DNAH14: variants seen among roughly 807,000 people sequenced by gnomAD.
DNAH14 encodes dynein axonemal heavy chain 14.
Under a neutral mutation model 520.9 loss-of-function variants are expected in DNAH14, and 478 were observed. The observed-to-expected ratio is 0.92, with a 90% CI of 0.85 to 0.99. DNAH14 has a LOEUF of 0.99. Ranked by LOEUF, DNAH14 falls within the 50% of genes least tolerant of loss-of-function variation. DNAH14 has a pLI of 0.00. For missense variants in DNAH14, 4,831 were observed against 5,234.5 expected (o/e 0.92, Z 2.38); for synonymous variants, 1,581 against 1,757.2 (o/e 0.90, Z 2.51).
chr1:225,301,166 C>T (rs2094131794), intron 56 of DNAH14, 136 bp downstream of exon 56: 2 of 967,042 alleles, frequency 2.1e-6, no homozygotes, highest in African/African-American at 3.3e-5. Context: ...ATAATGGGTA[C>T]CCTACCTACA....
chr1:225,172,923 G>A (rs762240999), intron 36 of DNAH14, among the ~76,000 whole-genome samples: 1 of 152,206 alleles, frequency 6.6e-6, no homozygotes, highest in Middle Eastern at 3.4e-3. Context: ...ATAGACCAAT[G>A]GAACAGAACA....
chr1:225,176,697 T>A (rs756128161), intron 36 of DNAH14, among the ~76,000 whole-genome samples: 3 of 152,234 alleles, frequency 2.0e-5, no homozygotes, highest in Admixed American at 6.5e-5. Context: ...ATGGTTATTA[T>A]AAGGGAGAGT....
chr1:224,997,114 A>G (rs953809761), intron 8 of DNAH14, among the ~76,000 whole-genome samples: 2 of 152,062 alleles, frequency 1.3e-5, no homozygotes, highest in Non-Finnish European at 2.9e-5. Flanking sequence ...TACTGCTGGC[A>G]GGTACACAGA....
intron 17 of DNAH14, among the ~76,000 whole-genome samples, chr1:225,055,321 G>A (rs879710083): frequency 6.6e-6 from 1 of 152,040 alleles, no homozygotes; most frequent in Non-Finnish European, 1.5e-5. Flanking sequence ...CCAACAGTTA[G>A]TGTTCACTGA....
chr1:224,967,260 A>T (rs961798576), intron 5 of DNAH14, among the ~76,000 whole-genome samples, 171 bp from the exon 6 acceptor site: 2 of 152,064 alleles, frequency 1.3e-5, no homozygotes, highest in African/African-American at 2.4e-5. Context: ...GATCTTGTTG[A>T]ACATTGTTTA....
intron 69 of DNAH14, among the ~76,000 whole-genome samples, chr1:225,341,829 A>G (rs910998949): frequency 6.6e-6 from 1 of 152,206 alleles, no homozygotes; most frequent in Admixed American, 6.5e-5. Flanking sequence ...ACTGTGATAA[A>G]ATACAGTTTA....
intron 10 of DNAH14, among the ~76,000 whole-genome samples, chr1:225,015,361 T>G (rs1275831845): frequency 6.6e-6 from 1 of 152,258 alleles, no homozygotes; most frequent in Admixed American, 6.5e-5. Context: ...TTCTTTAATA[T>G]TCTTTGTTTC....
intron 41 of DNAH14, among the ~76,000 whole-genome samples, chr1:225,213,175 C>A (rs939746583): frequency 2.0e-5 from 3 of 152,112 alleles, no homozygotes; most frequent in African/African-American, 7.2e-5. Flanking sequence ...AATCCTTTCC[C>A]CATTTCCTGT....
chr1:225,070,682 T>C (rs1558858795), intron 17 of DNAH14, among the ~76,000 whole-genome samples: 1 of 152,322 alleles, frequency 6.6e-6, no homozygotes, highest in East Asian at 1.9e-4. Flanking sequence ...GTATATTCTA[T>C]TGTTTTTGTG....
At chr1:224,958,834 C>G (rs189893841) in intron 3 of DNAH14, among the ~76,000 whole-genome samples, 24 of 152,014 alleles carry the variant, frequency 1.6e-4, no homozygotes, top group Admixed American at 5.9e-4. Flanking sequence ...CTCCCGTGAG[C>G]CAGAGTTCCA....
Position 224,960,237 on chromosome 1 carries a change from A to G in DNAH14, c.302A>G (p.Lys101Arg). 6.2e-7 allele frequency: 1 copy of G among 1,612,122 alleles called. No individual in the cohort carries two copies. Among genetic ancestry groups the G allele is most frequent in the South Asian group, 1.1e-5 (1 of 90,864 alleles). ...AAGGAGAAAGGGAAGTCAAGGAGAA[A>G]AAAGGATCAAACTCATGCTTGTCCA... ...SLKEKGKSRRKKDQTHACPNV... is the reference protein window; with the variant it reads ...SLKEKGKSRRRKDQTHACPNV... Residue 101 changes from lysine (K) to arginine (R), a missense_variant, in exon 4 of 86, where the codon AAA becomes AGA. Coordinates refer to ENST00000682510, the MANE Select transcript of DNAH14 (RefSeq NM_001367479.1).
rs150572153 is a variant in DNAH14 at position 225,303,117 on chromosome 1, G to A, written c.8632-39G>A. On this transcript the variant is annotated intron_variant, in intron 56 of 85. Coordinates refer to ENST00000682510, the MANE Select transcript of DNAH14 (RefSeq NM_001367479.1). ...AATATAATATTTTTTCAAAACAGTGGATTACATTTTAACAATTTATATTTT... is the reference window on the plus strand; with the variant it reads ...AATATAATATTTTTTCAAAACAGTGAATTACATTTTAACAATTTATATTTT... 8 of 1,323,604 alleles carry A rather than the reference G, an allele frequency of 6.0e-6. No homozygotes were observed. The African/African-American group carries it at 1.2e-4, about 20-fold the overall frequency. 82.0% of individuals were successfully genotyped at this position (1,323,604 alleles called of 1,614,324 possible).
intron 73 of DNAH14, chr1:225,354,423 G>T (rs1298047757): frequency 1.6e-6 from 1 of 614,178 alleles, no homozygotes; most frequent in African/African-American, 1.8e-5. Context: ...CTGGCTGAGG[G>T]TAGAGGTTGG....
intron 1 of DNAH14, among the ~76,000 whole-genome samples, chr1:224,943,441 A>C (rs1383022685): frequency 6.6e-6 from 1 of 151,918 alleles, no homozygotes; most frequent in Non-Finnish European, 1.5e-5. Flanking sequence ...TTTTCAAAAA[A>C]CCAGCTCCTG....
chr1:225,141,670 G>C (rs1382921008), intron 28 of DNAH14, among the ~76,000 whole-genome samples: 1 of 152,094 alleles, frequency 6.6e-6, no homozygotes, highest in African/African-American at 2.4e-5. Context: ...ACAGAGGGCA[G>C]TATCTTTCCA....
chr1:225,340,588 A>G lies in DNAH14; in HGVS notation c.10565A>G (p.Glu3522Gly). 6.4e-7 allele frequency: 1 copy of G among 1,551,460 alleles called. No individual in the cohort carries two copies. Among genetic ancestry groups the G allele is most frequent in the Non-Finnish European group, 8.7e-7 (1 of 1,146,872 alleles). ...DQLLSTVVTHEVPHLEDQRSK... is the reference protein window; with the variant it reads ...DQLLSTVVTHGVPHLEDQRSK... ...CTCTTGTCTACTGTGGTAACTCATG[A>G]AGTTCCTCATTTAGAAGATCAACGT... is the stretch of plus-strand genomic sequence containing the variant. The change falls in exon 69 of 86, where the codon GAA becomes GGA. Residue 3522 changes from glutamate (E) to glycine (G), a missense_variant. Glu to Gly is a moderately conservative substitution (Grantham distance 98, BLOSUM62 -2). Transcript: ENST00000682510.
At chr1:225,325,237 C>T (rs1574782183) in intron 64 of DNAH14, among the ~76,000 whole-genome samples, 1 of 151,440 alleles carries the variant, frequency 6.6e-6, no homozygotes, top group African/African-American at 2.4e-5. Flanking sequence ...GTAATCCCAG[C>T]ACTTTGGGAG....
At chr1:225,319,753 G>A (rs1261047685) in intron 61 of DNAH14, among the ~76,000 whole-genome samples, 1 of 152,160 alleles carries the variant, frequency 6.6e-6, no homozygotes, top group Non-Finnish European at 1.5e-5. Flanking sequence ...GCAGTTAACG[G>A]TTGTGGAAAC....
At chr1:225,212,241 T>A (rs1199580626) in intron 41 of DNAH14, among the ~76,000 whole-genome samples, 2 of 152,082 alleles carry the variant, frequency 1.3e-5, no homozygotes, top group Non-Finnish European at 2.9e-5. Flanking sequence ...GAACTCATCC[T>A]TTTTTATGGC....
Sources: gnomAD v4.1 joint callset for allele counts (sites outside exome capture counted in the v4.1 genomes callset) on GRCh38, gnomAD v4.1.1 for gene constraint, MANE v1.5 for transcripts, NCBI Gene and HGNC (gene_info 2026-07-23, HGNC 2026-07-21) for gene names.